CDH13: variants seen among roughly 807,000 people sequenced by gnomAD.
The protein encoded by CDH13 is cadherin 13.
In CDH13, 24 loss-of-function variants were observed where a neutral mutation model predicts 63.8. The ratio of observed to expected loss-of-function variants is 0.38; its 90% CI spans 0.27 to 0.53. The LOEUF is 0.53. Among genes scored for constraint, CDH13 ranks in the 20% least tolerant of loss-of-function variants. CDH13 has a pLI of 0.85. For synonymous variants in CDH13, 503 were observed against 355.3 expected (o/e 1.42, Z -4.67); for missense variants, 1,049 against 903.1 (o/e 1.16, Z -2.07).
chr16:82,914,487 G>A (rs1422895972), intron 2 of CDH13, among the ~76,000 whole-genome samples: 2 of 152,184 alleles, frequency 1.3e-5, no homozygotes, highest in South Asian at 4.1e-4. Context: ...GACTGCAAAT[G>A]TCTCAGTCAT....
At chr16:83,110,722 C>G (rs893005750) in intron 3 of CDH13, among the ~76,000 whole-genome samples, 2 of 152,074 alleles carry the variant, frequency 1.3e-5, no homozygotes, top group African/African-American at 4.8e-5. Flanking sequence ...CTGGATCCAA[C>G]CAGCTTTTGT....
intron 7 of CDH13, among the ~76,000 whole-genome samples, chr16:83,582,450 C>G (rs796720720): frequency 3.9e-5 from 6 of 152,212 alleles, no homozygotes; most frequent in African/African-American, 1.4e-4. Flanking sequence ...ATTTAAGGTA[C>G]TGCCTTGTTA....
rs561837217 is a variant in CDH13, at chr16:82,771,422, G to C, written c.46-86940G>C. ...GACCCAATATGACTGGTGTTTGTAA[G>C]GGTCTAGGTAGAGGCTGCTTGATAG... On this transcript the variant is annotated intron_variant, in intron 1 of 13. Transcript: ENST00000567109. Among the ~76,000 whole-genome samples the C allele has an allele frequency of 2.6e-5, 4 of 152,312 alleles. No homozygotes were observed. In the South Asian group the frequency reaches 8.3e-4, roughly 32 times the overall value.
chr16:83,438,828 C>T (rs1020507389), intron 6 of CDH13, among the ~76,000 whole-genome samples: 1 of 152,146 alleles, frequency 6.6e-6, no homozygotes, highest in Non-Finnish European at 1.5e-5. Context: ...GCAGCAGTGA[C>T]ATTGAAAGAA....
At chr16:82,642,240 C>T (rs1488344158) in intron 1 of CDH13, among the ~76,000 whole-genome samples, 2 of 152,074 alleles carry the variant, frequency 1.3e-5, no homozygotes, top group Non-Finnish European at 2.9e-5. Flanking sequence ...TGTTGACACA[C>T]AATAGAGTTG....
At chr16:82,692,454 G>T (rs1915737741) in intron 1 of CDH13, among the ~76,000 whole-genome samples, 1 of 152,204 alleles carries the variant, frequency 6.6e-6, no homozygotes, top group Non-Finnish European at 1.5e-5. Flanking sequence ...AAGAGAGCAT[G>T]TGTAGGGAAA....
At chr16:83,710,763 C>G (rs1907917803) in intron 10 of CDH13, among the ~76,000 whole-genome samples, 1 of 152,184 alleles carries the variant, frequency 6.6e-6, no homozygotes. Context: ...AGCACCGTGA[C>G]TGCCACCTCT....
chr16:82,715,235 A>G (rs2032277932), intron 1 of CDH13, among the ~76,000 whole-genome samples: 1 of 151,862 alleles, frequency 6.6e-6, no homozygotes, highest in African/African-American at 2.4e-5. Flanking sequence ...AAGCTTTTTC[A>G]CACTGCAAAA....
At chr16:82,633,807 C>T (rs1179639549) in intron 1 of CDH13, among the ~76,000 whole-genome samples, 2 of 152,198 alleles carry the variant, frequency 1.3e-5, no homozygotes, top group Non-Finnish European at 2.9e-5. Context: ...ACAATTAATG[C>T]TCTCTGGCTC....
At chr16:83,469,432 C>A (rs1450778768) in intron 6 of CDH13, among the ~76,000 whole-genome samples, 1 of 152,090 alleles carries the variant, frequency 6.6e-6, no homozygotes, top group Non-Finnish European at 1.5e-5. Flanking sequence ...AGGCCTTCCA[C>A]AGTCATTCAT....
Position 82,692,292 on chromosome 16 carries a change from T to C in CDH13, c.45+65155T>C, listed in dbSNP as rs180829436. ...GTCATTAGAAACTATATTAGTCTGT[T>C]CTCACCCTGCTTAGTAAAGACATAC... On this transcript the variant is annotated intron_variant, in intron 1 of 13. Transcript: ENST00000567109. 2.6e-4 allele frequency among the ~76,000 whole-genome samples: 40 copies of C among 152,340 alleles called. 1 individual carries two copies. Among genetic ancestry groups the C allele is most frequent in the African/African-American group, 9.1e-4 (38 of 41,582 alleles).
chr16:83,531,451 C>G (rs530296169), intron 7 of CDH13, among the ~76,000 whole-genome samples: 1 of 152,164 alleles, frequency 6.6e-6, no homozygotes, highest in Non-Finnish European at 1.5e-5. Context: ...GTGATTAAGT[C>G]AAGGATCTTG....
chr16:83,223,009 A>T (rs1402361629), intron 5 of CDH13, among the ~76,000 whole-genome samples: 2 of 151,966 alleles, frequency 1.3e-5, no homozygotes, highest in Non-Finnish European at 2.9e-5. Flanking sequence ...ACCCACACAC[A>T]CACCTAATCT....
At chr16:82,884,932 C>T (rs1215059730) in intron 2 of CDH13, among the ~76,000 whole-genome samples, 1 of 152,202 alleles carries the variant, frequency 6.6e-6, no homozygotes, top group Non-Finnish European at 1.5e-5. Flanking sequence ...TAGTCTAAAG[C>T]TCTTTCTTTT....
intron 2 of CDH13, among the ~76,000 whole-genome samples, chr16:82,927,813 T>G (rs2151290316): frequency 6.6e-6 from 1 of 152,320 alleles, no homozygotes; most frequent in Non-Finnish European, 1.5e-5. Context: ...TCATCAACAA[T>G]GTACTTATTG....
intron 3 of CDH13, among the ~76,000 whole-genome samples, chr16:83,080,842 G>A (rs1292206853): frequency 6.8e-6 from 1 of 147,154 alleles, no homozygotes; most frequent in Admixed American, 6.8e-5. Flanking sequence ...AAGGACTCCA[G>A]GCAAGATAGA....
intron 1 of CDH13, among the ~76,000 whole-genome samples, chr16:82,722,052 C>G (rs2032808739): frequency 6.6e-6 from 1 of 152,114 alleles, no homozygotes; most frequent in Admixed American, 6.5e-5. Flanking sequence ...GGATGGGATT[C>G]AAGGAAGACT....
intron 5 of CDH13, among the ~76,000 whole-genome samples, chr16:83,317,032 T>C (rs2090121128): frequency 6.6e-6 from 1 of 152,210 alleles, no homozygotes; most frequent in South Asian, 2.1e-4. Flanking sequence ...TATTTGGCAA[T>C]GTCTGCAGAC....
At chr16:83,061,026 G>A (rs995532632) in intron 3 of CDH13, among the ~76,000 whole-genome samples, 5 of 152,202 alleles carry the variant, frequency 3.3e-5, no homozygotes, top group Non-Finnish European at 7.3e-5. Context: ...CTTAATACAA[G>A]TTCCTTGGCA....
Sources: gnomAD v4.1 joint callset for allele counts (sites outside exome capture counted in the v4.1 genomes callset) on GRCh38, gnomAD v4.1.1 for gene constraint, MANE v1.5 for transcripts, NCBI Gene and HGNC (gene_info 2026-07-23, HGNC 2026-07-21) for gene names.